TET2: variants seen among roughly 807,000 people sequenced by gnomAD.
TET2 encodes the protein tet methylcytosine dioxygenase 2, also known as methylcytosine dioxygenase TET2.
TET2 carries 299 observed loss-of-function variants against 142.9 expected under a neutral mutation model. The observed-to-expected ratio is 2.09, with a 90% confidence interval of 1.90 to 2.30. The LOEUF is 2.30. Ranked by LOEUF, TET2 falls within the 30% of genes most tolerant of loss-of-function variation. TET2 has a pLI of 0.00. For missense variants in TET2, 2,418 were observed against 2,378.0 expected, an observed-to-expected ratio of 1.02 and a Z score of -0.35; for synonymous variants, 819 against 849.0, an observed-to-expected ratio of 0.96 and a Z score of 0.61.
chr4:105,148,338 G>A (rs764421066), intron 1 of TET2, among the ~76,000 whole-genome samples: 2 of 152,096 alleles, frequency 1.3e-5, no homozygotes, highest in Admixed American at 6.5e-5. Flanking sequence ...TTTTCCAGCG[G>A]TAAAATTTAG....
chr4:105,250,684 CA>C (rs1468328938), intron 6 of TET2, among the ~76,000 whole-genome samples: 3 of 152,024 alleles, frequency 2.0e-5, no homozygotes, highest in Admixed American at 2.0e-4. Context: ...GAAACATGTA[CA>C]AAGTCCTGCA....
At chr4:105,175,679 C>G (rs1724745661) in intron 1 of TET2, among the ~76,000 whole-genome samples, 1 of 151,682 alleles carries the variant, frequency 6.6e-6, no homozygotes, top group African/African-American at 2.4e-5. Context: ...GTGAAAATCT[C>G]CCCCAATTAA....
At position 105,259,704 on chromosome 4, in the gene TET2, G is replaced by T; in HGVS notation, c.3889G>T (p.Gly1297Ter). 6.4e-7 allele frequency: 1 copy of T among 1,551,170 alleles called. No homozygotes were observed. Among genetic ancestry groups the T allele is most frequent in the Non-Finnish European group, 8.7e-7 (1 of 1,146,614 alleles). Residue 1297 changes from glycine to a stop codon, truncating the protein, a stop_gained, in exon 7 of 11, where the codon GGA becomes TGA. Transcript: ENST00000380013. LOFTEE classifies it high-confidence loss of function. ...FGCSWSMYYN[G>*]CKFARSKIPR... ...TTGTTCATGGAGCATGTACTACAAT[G>T]GATGTAAGTTTGCCAGAAGCAAGAT...
chr4:105,214,102 T>G (rs1727331432), intron 2 of TET2, among the ~76,000 whole-genome samples: 1 of 152,072 alleles, frequency 6.6e-6, no homozygotes, highest in South Asian at 2.1e-4. Flanking sequence ...CCACCTGCCT[T>G]GGCCTCATAA....
intron 2 of TET2, among the ~76,000 whole-genome samples, chr4:105,222,701 C>T (rs1727916125): frequency 6.6e-6 from 1 of 152,116 alleles, no homozygotes; most frequent in South Asian, 2.1e-4. Flanking sequence ...TTTTGCTGTG[C>T]AGAAGCTCTT....
At chr4:105,245,674 A>T (rs1382516808) in intron 6 of TET2, among the ~76,000 whole-genome samples, 6 of 152,110 alleles carry the variant, frequency 3.9e-5, no homozygotes, top group Non-Finnish European at 8.8e-5. Context: ...GCTCTTTCTG[A>T]AGAAAAATTT....
chr4:105,234,875 A>C lies in TET2; in HGVS notation c.933A>C (p.Leu311=). The part of the protein sequence containing the change: ...ADNASKLAAM[L]NTCSFQKPEQ... Reference sequence around the variant, plus strand: ...ATGCCAGTAAACTAGCTGCAATGCTAAATACCTGTTCCTTTCAGAAACCAG... The same window carrying C: ...ATGCCAGTAAACTAGCTGCAATGCTCAATACCTGTTCCTTTCAGAAACCAG... Residue 311 remains leucine (L), a synonymous_variant, in exon 3 of 11, where the codon CTA becomes CTC. Transcript: ENST00000380013. 1 of 1,614,100 alleles carries C rather than the reference A, an allele frequency of 6.2e-7. No individual in the cohort carries two copies. Among genetic ancestry groups the C allele is most frequent in the Non-Finnish European group, 8.5e-7 (1 of 1,180,012 alleles).
chr4:105,148,718 AAC>A (rs1227017841), intron 1 of TET2, among the ~76,000 whole-genome samples: 7 of 152,344 alleles, frequency 4.6e-5, no homozygotes, highest in South Asian at 4.1e-4. Flanking sequence ...TATAAATTTA[AAC>A]ACAATAAATA....
At chr4:105,160,469 C>T (rs1723792640) in intron 1 of TET2, among the ~76,000 whole-genome samples, 1 of 152,166 alleles carries the variant, frequency 6.6e-6, no homozygotes, top group African/African-American at 2.4e-5. Flanking sequence ...TTTTGTATTG[C>T]ATCTAAGGAT....
At chr4:105,272,997 C>A in intron 10 of TET2, 79 bp downstream of exon 10, 1 of 1,186,012 alleles carries the variant, frequency 8.4e-7, no homozygotes, top group Non-Finnish European at 1.2e-6. Flanking sequence ...GTTTTGCCCC[C>A]ATCAACTTGT....
At chr4:105,231,441 A>C (rs1728499979) in intron 2 of TET2, among the ~76,000 whole-genome samples, 1 of 152,086 alleles carries the variant, frequency 6.6e-6, no homozygotes, top group Non-Finnish European at 1.5e-5. Context: ...AATTTCTTCT[A>C]TTATAACTAC....
chr4:105,190,485 C>A lies in TET2; in HGVS notation c.-67C>A. On this transcript the variant is annotated 5_prime_UTR_variant, in exon 2 of 11. Coordinates refer to ENST00000380013, the MANE Select transcript of TET2 (RefSeq NM_001127208.3). ...CCAATAGGACATGATCCAGGAAGAGCAGTAAGGGACTGAGCTGCTGGTAAG... is the reference window on the plus strand; with the variant it reads ...CCAATAGGACATGATCCAGGAAGAGAAGTAAGGGACTGAGCTGCTGGTAAG... 1.4e-6 allele frequency: 1 copy of A among 702,094 alleles called. No individual in the cohort carries two copies. Among genetic ancestry groups the A allele is most frequent in the Admixed American group, 2.0e-5 (1 of 49,928 alleles). The allele number at this position is 702,094 out of a possible 1,614,324, so 43.5% of individuals were successfully genotyped here.
intron 2 of TET2, among the ~76,000 whole-genome samples, chr4:105,198,611 T>C (rs1726240396): frequency 6.6e-6 from 1 of 152,224 alleles, no homozygotes; most frequent in Admixed American, 6.5e-5. Flanking sequence ...AAATGTTTTC[T>C]AAATTTATGA....
Position 105,275,139 on chromosome 4 carries a change from AC to A in TET2, c.4633del (p.Gln1545SerfsTer26). On this transcript the variant is annotated frameshift_variant, in exon 11 of 11. Coordinates refer to ENST00000380013, the MANE Select transcript of TET2 (RefSeq NM_001127208.3). LOFTEE classifies it low-confidence loss of function (END_TRUNC). ...QPPQPQQQQR[P>X]QQQQPHHPQT... ...CACCACAGCCCCAGCAGCAGCAGAGACCCCAGCAGCAGCAGCCACATCACCC... is the reference window on the plus strand; with the variant it reads ...CACCACAGCCCCAGCAGCAGCAGAGACCCAGCAGCAGCAGCCACATCACCC... 1.3e-6 allele frequency: 2 copies of A among 1,551,444 alleles called. No individual in the cohort carries two copies. Among genetic ancestry groups the A allele is most frequent in the Non-Finnish European group, 1.7e-6 (2 of 1,146,716 alleles).
intron 1 of TET2, among the ~76,000 whole-genome samples, chr4:105,177,320 A>C (rs1245601751): frequency 6.6e-6 from 1 of 152,246 alleles, no homozygotes; most frequent in Non-Finnish European, 1.5e-5. Flanking sequence ...TGTGAAAGAC[A>C]ATATTAAGAG....
At position 105,235,023 on chromosome 4, in the gene TET2, C is replaced by T. The variant is rs2110224406; in HGVS notation, c.1081C>T (p.Gln361Ter). 1.2e-6 allele frequency: 2 copies of T among 1,614,078 alleles called. No homozygotes were observed. Among genetic ancestry groups the T allele is most frequent in the Non-Finnish European group, 8.5e-7 (1 of 1,180,000 alleles). The part of the protein sequence containing the change: ...EFCSGSSSNL[Q>*]APGGSSERYL... ...CTGTTCAGGTTCCAGCAGCAATTTG[C>T]AAGCTCCTGGTGGCAGCTCTGAACG... The change falls in exon 3 of 11, where the codon CAA becomes TAA. Residue 361 changes from glutamine (Q) to a stop codon, truncating the protein, a stop_gained. Coordinates refer to ENST00000380013, the MANE Select transcript of TET2 (RefSeq NM_001127208.3). LOFTEE classifies it high-confidence loss of function.
intron 2 of TET2, among the ~76,000 whole-genome samples, chr4:105,214,423 C>T (rs1297818708): frequency 6.7e-6 from 1 of 148,782 alleles, no homozygotes; most frequent in Admixed American, 6.8e-5. Flanking sequence ...CCTCCCATCT[C>T]AGCCTCCCAA....
In TET2 at chr4:105,236,707, A is replaced by G. The variant is rs1680670691; in HGVS notation, c.2765A>G (p.His922Arg). ...CTTGCTCAGCAAAGGTACTTGATAC[A>G]TAACCATGCAAATGTTTTTCCTGTG... ...AQLAQQRYLI[H>R]NHANVFPVPD... is the part of the protein sequence containing the mutation. Residue 922 changes from histidine (H) to arginine (R), a missense_variant, in exon 3 of 11, where the codon CAT (histidine) becomes CGT (arginine). His to Arg is a conservative substitution (Grantham distance 29). Coordinates refer to ENST00000380013, the MANE Select transcript of TET2 (RefSeq NM_001127208.3). The G allele has an allele frequency of 6.2e-7, 1 of 1,614,162 alleles. No homozygotes were observed. The highest frequency in any genetic ancestry group is 8.5e-7 in the Non-Finnish European group (1 of 1,180,020).
At chr4:105,209,939 G>A (rs1396009534) in intron 2 of TET2, among the ~76,000 whole-genome samples, 1 of 152,156 alleles carries the variant, frequency 6.6e-6, no homozygotes, top group African/African-American at 2.4e-5. Context: ...GGTAGTAAAA[G>A]TAAGGACATG....
Sources: allele counts gnomAD v4.1 joint callset (sites outside exome capture counted in the v4.1 genomes callset), GRCh38; gene constraint gnomAD v4.1.1; transcripts MANE v1.5; gene names NCBI Gene and HGNC (gene_info 2026-07-23, HGNC 2026-07-21).